Variants in AFG1L observed in about 807,000 individuals in gnomAD.
AFG1L encodes AFG1 like ATPase.
Under a neutral mutation model 62.2 loss-of-function variants are expected in AFG1L, and 53 were observed. That is an observed-to-expected ratio of 0.85 (90% CI 0.68 to 1.07). AFG1L has a LOEUF of 1.07. Ranked by LOEUF, AFG1L falls within the 50% of genes least tolerant of loss-of-function variation. AFG1L has a pLI of 0.00. For synonymous variants in AFG1L, 228 were observed against 210.3 expected (o/e 1.08, Z -0.73); for missense variants, 555 against 590.5 (o/e 0.94, Z 0.62).
intron 10 of AFG1L, among the ~76,000 whole-genome samples, chr6:108,491,626 A>G (rs778990049): frequency 6.6e-6 from 1 of 152,170 alleles, no homozygotes; most frequent in African/African-American, 2.4e-5. Context: ...GGATGTTTTT[A>G]TCTTTTAATA....
chr6:108,424,601 ATATAAAAATAT>A (rs1210706433), intron 7 of AFG1L, among the ~76,000 whole-genome samples: 13 of 152,072 alleles, frequency 8.5e-5, no homozygotes, highest in African/African-American at 3.1e-4. Flanking sequence ...ATTATATAGC[ATATAAAAATAT>A]TATAATGTTA....
At chr6:108,319,583 C>T (rs1283159447) in intron 1 of AFG1L, 1 of 168,506 alleles carries the variant, frequency 5.9e-6, no homozygotes, top group Non-Finnish European at 1.3e-5. Context: ...TTGGCCAAAA[C>T]AATTTTTATT....
intron 1 of AFG1L, among the ~76,000 whole-genome samples, chr6:108,307,680 T>C (rs1393689175): frequency 6.6e-6 from 1 of 152,210 alleles, no homozygotes; most frequent in Non-Finnish European, 1.5e-5. Flanking sequence ...TATGTATGCT[T>C]TCTGTTGGGC....
At chr6:108,302,090 G>A (rs1777023215) in intron 1 of AFG1L, among the ~76,000 whole-genome samples, 1 of 152,058 alleles carries the variant, frequency 6.6e-6, no homozygotes, top group African/African-American at 2.4e-5. Flanking sequence ...GGGATTTCAG[G>A]TGTCCACCAC....
intron 11 of AFG1L, among the ~76,000 whole-genome samples, chr6:108,517,792 C>CA (rs1438953035): frequency 1.3e-5 from 2 of 152,086 alleles, no homozygotes; most frequent in South Asian, 4.2e-4. Context: ...ACAATGAACT[C>CA]AAACAAATTT....
At chr6:108,424,328 A>G (rs955006603) in intron 7 of AFG1L, among the ~76,000 whole-genome samples, 2 of 152,134 alleles carry the variant, frequency 1.3e-5, no homozygotes, top group Non-Finnish European at 2.9e-5. Flanking sequence ...CTTTTAAACT[A>G]TGATAGATTT....
At chr6:108,402,098 T>C (rs1377785791) in intron 7 of AFG1L, 44 bp downstream of exon 7, 3 of 981,622 alleles carry the variant, frequency 3.1e-6, no homozygotes, top group Admixed American at 2.8e-5. Context: ...ATCATACTTA[T>C]TGATAATCAA....
Position 108,510,311 on chromosome 6 carries a change from C to T in AFG1L, c.1162C>T (p.Arg388Ter), listed in dbSNP as rs1161874477. 1.2e-6 allele frequency: 2 copies of T among 1,611,936 alleles called. No individual in the cohort carries two copies. Among genetic ancestry groups the T allele is most frequent in the Admixed American group, 1.7e-5 (1 of 59,678 alleles). Residue 388 changes from arginine to a stop codon, truncating the protein, a stop_gained, in exon 11 of 13, where the codon CGA (arginine) becomes TGA (stop). Transcript: ENST00000368977. LOFTEE classifies it high-confidence loss of function. ...QFTLANRTQG[R>*]RFITLIDNFY... ...TACTCTGGCAAACAGGACTCAAGGT[C>T]GAAGATTCATAACTCTCATCGATAA... is the stretch of plus-strand genomic sequence containing the variant.
intron 10 of AFG1L, among the ~76,000 whole-genome samples, chr6:108,478,135 C>CT (rs1232615834): frequency 2.0e-5 from 3 of 152,170 alleles, no homozygotes; most frequent in Non-Finnish European, 4.4e-5. Flanking sequence ...TTTATGAGTG[C>CT]TTTTCTTAAA....
At chr6:108,398,663 A>G (rs935308473) in intron 6 of AFG1L, among the ~76,000 whole-genome samples, 2 of 152,328 alleles carry the variant, frequency 1.3e-5, no homozygotes, top group Admixed American at 6.5e-5. Context: ...ATTCTTCTGC[A>G]TATGGATATC....
At chr6:108,327,312 G>T (rs1778085879) in intron 2 of AFG1L, among the ~76,000 whole-genome samples, 1 of 152,206 alleles carries the variant, frequency 6.6e-6, no homozygotes, top group South Asian at 2.1e-4. Flanking sequence ...CCATGACACA[G>T]CTAGGCCTTA....
intron 8 of AFG1L, among the ~76,000 whole-genome samples, chr6:108,475,320 C>A (rs1460615774): frequency 6.6e-6 from 1 of 152,106 alleles, no homozygotes; most frequent in East Asian, 1.9e-4. Flanking sequence ...AGTTTGCTAG[C>A]GTGATGCCTC....
At chr6:108,328,010 C>T (rs1778121261) in intron 2 of AFG1L, among the ~76,000 whole-genome samples, 1 of 152,184 alleles carries the variant, frequency 6.6e-6, no homozygotes, top group Non-Finnish European at 1.5e-5. Flanking sequence ...GTGACCAGTC[C>T]AGCACAATGG....
At chr6:108,341,596 T>C (rs1323563998) in intron 2 of AFG1L, among the ~76,000 whole-genome samples, 1 of 152,072 alleles carries the variant, frequency 6.6e-6, no homozygotes, top group Non-Finnish European at 1.5e-5. Flanking sequence ...AGCTAATAAA[T>C]AGCCAGCCAG....
intron 10 of AFG1L, among the ~76,000 whole-genome samples, chr6:108,504,102 T>G (rs1774304371): frequency 6.6e-6 from 1 of 152,238 alleles, no homozygotes; most frequent in Non-Finnish European, 1.5e-5. Flanking sequence ...CAATAATGCT[T>G]TTTTACTTTC....
intron 1 of AFG1L, among the ~76,000 whole-genome samples, chr6:108,318,856 G>A (rs1048982476): frequency 1.3e-5 from 2 of 152,168 alleles, no homozygotes; most frequent in African/African-American, 4.8e-5. Flanking sequence ...AAATAATATG[G>A]CAGCAGCATC....
chr6:108,495,782 A>G (rs1773953047), intron 10 of AFG1L, among the ~76,000 whole-genome samples: 1 of 152,240 alleles, frequency 6.6e-6, no homozygotes, highest in Non-Finnish European at 1.5e-5. Flanking sequence ...TCAGGTTTCC[A>G]CAGAAACAAA....
chr6:108,310,929 CT>C (rs1051231946), intron 1 of AFG1L, among the ~76,000 whole-genome samples: 3 of 151,766 alleles, frequency 2.0e-5, no homozygotes, highest in African/African-American at 7.3e-5. Flanking sequence ...GAATGGGATC[CT>C]TTTTTTTCTA....
rs1779306956 is a variant in AFG1L at position 108,356,765 on chromosome 6, C to G, written c.593C>G (p.Pro198Arg). The change falls in exon 5 of 13, where the codon CCC becomes CGC. Residue 198 changes from proline to arginine, a missense_variant. Physicochemically the swap from Pro to Arg is moderately radical, Grantham distance 103. Coordinates refer to ENST00000368977, the MANE Select transcript of AFG1L (RefSeq NM_145315.5). ...GCTAAATCATATGACCCAATAGCTCCCATAGCCGAAGAAATCAGCGAAGAA... is the reference window on the plus strand; with the variant it reads ...GCTAAATCATATGACCCAATAGCTCGCATAGCCGAAGAAATCAGCGAAGAA... ...FMAKSYDPIA[P>R]IAEEISEEAC... 23 of 1,613,188 alleles carry G rather than the reference C, an allele frequency of 1.4e-5. No homozygotes were observed. The highest frequency in any genetic ancestry group is 1.9e-5 in the Non-Finnish European group (22 of 1,179,582).
Sources: gnomAD v4.1 joint callset for allele counts (sites outside exome capture counted in the v4.1 genomes callset) on GRCh38, gnomAD v4.1.1 for gene constraint, MANE v1.5 for transcripts, NCBI Gene and HGNC (gene_info 2026-07-23, HGNC 2026-07-21) for gene names.